The following CACNA1D variants were observed in gnomAD, a reference collection of about 807,000 sequenced individuals.
CACNA1D encodes voltage-dependent L-type calcium channel subunit alpha-1D.
A neutral mutation model predicts 257.1 loss-of-function variants in CACNA1D; 55 were observed. The observed-to-expected ratio is 0.21, with a 90% CI of 0.17 to 0.27. The LOEUF (loss-of-function observed/expected upper bound fraction) is 0.27, where lower values mean the gene tolerates loss of function less well. Among genes scored for constraint, CACNA1D ranks in the 10% least tolerant of loss-of-function variants. CACNA1D has a pLI of 1.00. For synonymous variants in CACNA1D, 980 were observed against 1,014.9 expected (o/e 0.97, Z 0.65); for missense variants, 1,876 against 2,784.0 (o/e 0.67, Z 7.34).
intron 40 of CACNA1D, chr3:53,792,399 T>C (rs1335138129): frequency 2.6e-5 from 4 of 152,188 alleles, no homozygotes; most frequent in Non-Finnish European, 5.9e-5. Context: ...AAAGTAGCCA[T>C]AGTGCAGAGG....
At chr3:53,749,503 T>A in intron 27 of CACNA1D, 34 bp downstream of exon 27, 2 of 1,485,080 alleles carry the variant, frequency 1.3e-6, no homozygotes, top group Non-Finnish European at 1.9e-6. Flanking sequence ...CTTCTGTCCC[T>A]TGGTCAGGAG....
At position 53,774,704 on chromosome 3, in the gene CACNA1D, C is replaced by T. The variant is rs762509403; in HGVS notation, c.4202+26C>T. ...GTGACTGCAACTGGCTTGGGCGGTG[C>T]TCCTGGGCAGGGGGGTCCGCTAGGC... On this transcript the variant is annotated intron_variant, in intron 34 of 47. Transcript: ENST00000350061. This position sits in a 1 kb window ranked among gnomAD's most constrained non-coding sequence, Gnocchi z 4.3. 2 of 1,445,858 alleles carry T rather than the reference C, an allele frequency of 1.4e-6. No individual in the cohort carries two copies. Among genetic ancestry groups the T allele is most frequent in the Admixed American group, 1.7e-5 (1 of 59,834 alleles). 89.6% of individuals were successfully genotyped at this position (1,445,858 alleles called of 1,614,324 possible).
At chr3:53,697,196 C>T (rs1461359203) in intron 8 of CACNA1D, among the ~76,000 whole-genome samples, 5 of 152,220 alleles carry the variant, frequency 3.3e-5, no homozygotes, top group African/African-American at 7.2e-5. Flanking sequence ...GGCGAGCTGG[C>T]CGTGGAGGCT....
intron 14 of CACNA1D, among the ~76,000 whole-genome samples, chr3:53,726,514 G>A (rs1215621184): frequency 6.6e-6 from 1 of 152,132 alleles, no homozygotes; most frequent in African/African-American, 2.4e-5. Flanking sequence ...GTGGTCACCT[G>A]TAATCCCAGC....
chr3:53,580,205 A>G (rs1310124412), intron 3 of CACNA1D, among the ~76,000 whole-genome samples: 2 of 152,204 alleles, frequency 1.3e-5, no homozygotes, highest in Non-Finnish European at 1.5e-5. Flanking sequence ...GGAGGAATAC[A>G]TGATGTCCTA....
chr3:53,511,506 A>G (rs1043827680), intron 3 of CACNA1D, among the ~76,000 whole-genome samples: 1 of 152,170 alleles, frequency 6.6e-6, no homozygotes, highest in Non-Finnish European at 1.5e-5. Flanking sequence ...TTGGAGCACA[A>G]TGAGCCATGT....
At chr3:53,582,192 C>G (rs1214917811) in intron 3 of CACNA1D, among the ~76,000 whole-genome samples, 1 of 152,016 alleles carries the variant, frequency 6.6e-6, no homozygotes, top group Non-Finnish European at 1.5e-5. Flanking sequence ...GCCTCATGCT[C>G]TCACCCTCCC....
At chr3:53,738,884 T>C (rs532850163) in intron 20 of CACNA1D, among the ~76,000 whole-genome samples, 2 of 151,330 alleles carry the variant, frequency 1.3e-5, no homozygotes, top group African/African-American at 4.9e-5. Flanking sequence ...GGCTACTAGA[T>C]GCTTTCCATG....
intron 8 of CACNA1D, among the ~76,000 whole-genome samples, chr3:53,694,830 G>A (rs2094559222): frequency 6.6e-6 from 1 of 152,114 alleles, no homozygotes; most frequent in Admixed American, 6.6e-5. Context: ...GGTTATTCCT[G>A]GGACCCTGGG....
chr3:53,805,051 A>G lies in CACNA1D; in HGVS notation c.5654A>G (p.His1885Arg), dbSNP rs1403297708. 2 of 1,614,110 alleles carry G rather than the reference A, an allele frequency of 1.2e-6. No homozygotes were observed. Among genetic ancestry groups the G allele is most frequent in the South Asian group, 2.2e-5 (2 of 91,068 alleles). ...GACTCTGAGAGGCCCCGAGGCTACC[A>G]TCATCCCCAAGGATTCTTGGAGGAC... is the stretch of plus-strand genomic sequence containing the variant. The part of the protein sequence containing the change: ...NIDSERPRGY[H>R]HPQGFLEDDD... The change falls in exon 45 of 48, where the codon CAT becomes CGT. Residue 1885 changes from histidine to arginine, a missense_variant. Physicochemically the swap from His to Arg is conservative, Grantham distance 29. Coordinates refer to ENST00000350061, the MANE Select transcript of CACNA1D (RefSeq NM_001128840.3).
In CACNA1D at chr3:53,781,615, T is replaced by C. The variant is rs776721381; in HGVS notation, c.4740T>C (p.Ile1580=). Residue 1580 remains isoleucine, a synonymous_variant, in exon 39 of 48, where the codon ATT becomes ATC. Coordinates refer to ENST00000350061, the MANE Select transcript of CACNA1D (RefSeq NM_001128840.3). ...AACTTCGGGCTGTGATAAAGAAAAT[T>C]TGGAAGAAAACCAGCATGAAATTAC... is the stretch of plus-strand genomic sequence containing the variant. The part of the protein sequence containing the change: ...NEELRAVIKK[I]WKKTSMKLLD... The C allele has an allele frequency of 2.4e-5, 39 of 1,614,030 alleles. No individual in the cohort carries two copies. The highest frequency in any genetic ancestry group is 2.0e-4 in the Admixed American group (12 of 60,000).
intron 16 of CACNA1D, among the ~76,000 whole-genome samples, 155 bp downstream of exon 16, chr3:53,730,711 C>T (rs541677283): frequency 6.6e-6 from 1 of 152,358 alleles, no homozygotes; most frequent in African/African-American, 2.4e-5. Context: ...CAGACCAAAA[C>T]GGATGGAATC....
In CACNA1D at chr3:53,744,819, G is replaced by C; in HGVS notation, c.2998G>C (p.Gly1000Arg). The C allele has an allele frequency of 6.3e-7, 1 of 1,596,998 alleles. No individual in the cohort carries two copies. Among genetic ancestry groups the C allele is most frequent in the Non-Finnish European group, 8.6e-7 (1 of 1,164,372 alleles). The change falls in exon 23 of 48, where the codon GGA (glycine) becomes CGA (arginine). Residue 1000 changes from glycine to arginine, a missense_variant. By Grantham distance (125) the Gly-to-Arg change is moderately radical. This residue lies in a region of CACNA1D where 271 missense variants were observed against 425.5 expected (regional missense o/e 0.64). Transcript: ENST00000350061. ...CCTCAGGGCCATCAACAGAGCAAAA[G>C]GACTTAAGGTTTTGATTCCTCTCCT... ...RPLRAINRAK[G>R]LKHVVQCVFV...
intron 8 of CACNA1D, among the ~76,000 whole-genome samples, chr3:53,693,031 A>G (rs1027424746): frequency 2.6e-5 from 4 of 152,240 alleles, no homozygotes; most frequent in Admixed American, 6.5e-5. Context: ...AGCCGAGCCC[A>G]GACCCTGTCT....
intron 19 of CACNA1D, among the ~76,000 whole-genome samples, chr3:53,733,930 T>TTGTGTGTGTG (rs397961374): frequency 6.8e-4 from 91 of 134,040 alleles, no homozygotes; most frequent in African/African-American, 2.5e-3. Context: ...GTGTGTGTGT[T>TTGTGTGTGTG]TGTGTGTGTG....
intron 3 of CACNA1D, among the ~76,000 whole-genome samples, chr3:53,550,743 T>G (rs1380590645): frequency 6.6e-6 from 1 of 152,130 alleles, no homozygotes; most frequent in Non-Finnish European, 1.5e-5. Flanking sequence ...CCTAGACACA[T>G]AGGAGCCCTG....
intron 30 of CACNA1D, among the ~76,000 whole-genome samples, chr3:53,763,925 A>G (rs1051555611): frequency 6.6e-6 from 1 of 152,252 alleles, no homozygotes; most frequent in East Asian, 1.9e-4. Flanking sequence ...ATTCGGGAAA[A>G]TGCTTGCTAA....
Position 53,776,021 on chromosome 3 carries a change from T to C in CACNA1D, c.4338T>C (p.Ser1446=). 1.2e-6 allele frequency: 2 copies of C among 1,614,048 alleles called. No homozygotes were observed. Among genetic ancestry groups the C allele is most frequent in the Non-Finnish European group, 1.7e-6 (2 of 1,179,910 alleles). The change falls in exon 35 of 48, where the codon AGT becomes AGC. Residue 1446 remains serine, a synonymous_variant. Coordinates refer to ENST00000350061, the MANE Select transcript of CACNA1D (RefSeq NM_001128840.3). ...GSNFAIVYFI[S]FYMLCAFLII... ...ACTTTGCCATTGTCTATTTCATCAG[T>C]TTTTACATGCTCTGTGCATTTCTGG...
chr3:53,809,436 G>T (rs1310977568), intron 46 of CACNA1D: 3 of 186,612 alleles, frequency 1.6e-5, no homozygotes, highest in Non-Finnish European at 3.4e-5. Flanking sequence ...TTTACAGACA[G>T]CGTTCCCCGT....
Sources: gnomAD v4.1 joint callset for allele counts (sites outside exome capture counted in the v4.1 genomes callset) on GRCh38, gnomAD v4.1.1 for gene constraint, gnomAD v4.1.1 regional missense constraint, Gnocchi (gnomAD v3.1) non-coding constraint, MANE v1.5 for transcripts, NCBI Gene and HGNC (gene_info 2026-07-23, HGNC 2026-07-21) for gene names.